The following MAPK8IP3 variants were observed in gnomAD, a reference collection of about 807,000 sequenced individuals.
The protein encoded by MAPK8IP3 is mitogen-activated protein kinase 8 interacting protein 3.
In MAPK8IP3, 49 loss-of-function variants were observed where a neutral mutation model predicts 157.8. That is an observed-to-expected ratio of 0.31 (90% CI 0.25 to 0.39). The LOEUF (loss-of-function observed/expected upper bound fraction) is 0.39. MAPK8IP3 is among the 10% of genes least tolerant of loss of function. MAPK8IP3 has a pLI of 1.00. For synonymous variants in MAPK8IP3, 897 were observed against 777.7 expected (o/e 1.15, Z -2.55); for missense variants, 1,478 against 1,889.4 (o/e 0.78, Z 4.04).
intron 6 of MAPK8IP3, 35 bp downstream of exon 6, chr16:1,747,310 G>T: frequency 6.2e-7 from 1 of 1,603,212 alleles, no homozygotes; most frequent in Non-Finnish European, 8.5e-7. Context: ...GGGCTCCCTC[G>T]GGCAGGAGGC....
intron 4 of MAPK8IP3, among the ~76,000 whole-genome samples, chr16:1,740,505 G>A (rs1026365165): frequency 3.9e-5 from 6 of 152,204 alleles, no homozygotes; most frequent in African/African-American, 2.4e-5. Context: ...CCATATGAGC[G>A]TGTGCGCACG....
rs777251799 is a variant in MAPK8IP3, at chr16:1,767,928, C to T, written c.3523+10C>T. The T allele has an allele frequency of 3.1e-6, 5 of 1,609,914 alleles. No homozygotes were observed. Among genetic ancestry groups the T allele is most frequent in the Admixed American group, 3.3e-5 (2 of 60,014 alleles). ...ATCCCCCTGACAGAGAGTGAGTGGC[C>T]TGCACACCTGCAGGGGCAGTGGTGC... On this transcript the variant is annotated intron_variant, in intron 28 of 31. Transcript: ENST00000610761.
chr16:1,739,576 G>A lies in MAPK8IP3; in HGVS notation c.603-3756G>A, dbSNP rs1444377208. On this transcript the variant is annotated intron_variant, in intron 4 of 31. Transcript: ENST00000610761. ...CATCTGTGTGACCGTTCGTGTGTGTGTGACCGTCCGTGTGTGACCGTCCGT... is the reference window on the plus strand; with the variant it reads ...CATCTGTGTGACCGTTCGTGTGTGTATGACCGTCCGTGTGTGACCGTCCGT... Among the ~76,000 whole-genome samples, 8 of 135,770 alleles carry A rather than the reference G, an allele frequency of 5.9e-5. 1 individual carries two copies. The highest frequency in any genetic ancestry group is 2.6e-4 in the South Asian group (1 of 3,890). 89.1% of individuals were successfully genotyped at this position (135,770 alleles called of 152,430 possible). A position where few individuals can be genotyped will look rare whatever the true frequency, so the allele number is the denominator to read the frequency against.
chr16:1,758,022 T>C, intron 8 of MAPK8IP3, 126 bp from the exon 9 acceptor site: 1 of 967,656 alleles, frequency 1.0e-6, no homozygotes, highest in Non-Finnish European at 1.6e-6. Context: ...TCTCCTGCCC[T>C]GCAACATGGG....
chr16:1,766,419 T>TGGGCTG lies in MAPK8IP3; in HGVS notation c.2819+15_2819+20dup. ...GCCCCCAGCCTGGCAGGTGAGCTCT[T>TGGGCTG]GGGCTGGGGCAGGAGCAGAGGGAAG... On this transcript the variant is annotated intron_variant, in intron 22 of 31. Transcript: ENST00000610761. The TGGGCTG allele has an allele frequency of 1.2e-6, 2 of 1,608,704 alleles. No homozygotes were observed. Among genetic ancestry groups the TGGGCTG allele is most frequent in the South Asian group, 1.1e-5 (1 of 90,962 alleles).
Position 1,751,190 on chromosome 16 carries a change from T to C in MAPK8IP3, c.1216+2470T>C, listed in dbSNP as rs1165438107. Among the ~76,000 whole-genome samples the C allele has an allele frequency of 6.6e-6, 1 of 151,956 alleles. No homozygotes were observed. Among genetic ancestry groups the C allele is most frequent in the Non-Finnish European group, 1.5e-5 (1 of 67,996 alleles). On this transcript the variant is annotated intron_variant, in intron 8 of 31. Transcript: ENST00000610761. This position sits in a 1 kb window ranked among gnomAD's most constrained non-coding sequence, Gnocchi z 5.0. ...AGAAACTGAGGCCGGGCACAGTGGC[T>C]CATGCCCGTAATCCCAGCACTTTGG...
chr16:1,724,795 G>C lies in MAPK8IP3; in HGVS notation c.439+118G>C. ...GGGGACGAGAGGAAGCCCAGTGGGA[G>C]CCTCAGCCATGTATTCCAGCTCTTT... On this transcript the variant is annotated intron_variant, in intron 2 of 31. Coordinates refer to ENST00000610761, the MANE Select transcript of MAPK8IP3 (RefSeq NM_001318852.2). The surrounding 1 kb of genome is among the most constrained non-coding windows in gnomAD (Gnocchi z 4.1). The C allele has an allele frequency of 2.2e-6, 3 of 1,354,382 alleles. No homozygotes were observed. The highest frequency in any genetic ancestry group is 3.0e-6 in the Non-Finnish European group (3 of 1,001,982). 83.9% of individuals were successfully genotyped at this position (1,354,382 alleles called of 1,614,324 possible).
intron 9 of MAPK8IP3, among the ~76,000 whole-genome samples, chr16:1,758,705 G>A (rs2041762475): frequency 6.6e-6 from 1 of 152,224 alleles, no homozygotes; most frequent in African/African-American, 2.4e-5. Flanking sequence ...CCCAGAATTT[G>A]GGGTGAGATG....
intron 10 of MAPK8IP3, 96 bp downstream of exon 10, chr16:1,759,091 C>T: frequency 6.5e-7 from 1 of 1,537,796 alleles, no homozygotes; most frequent in Non-Finnish European, 9.0e-7. Flanking sequence ...ATGATGGGGA[C>T]AGTGTTGGGG....
chr16:1,758,107 C>G (rs750448587), intron 8 of MAPK8IP3, 41 bp from the exon 9 acceptor site: 17 of 1,611,772 alleles, frequency 1.1e-5, no homozygotes, highest in African/African-American at 5.3e-5. Flanking sequence ...ACCTTTGTCC[C>G]TTCCTTCCCC....
chr16:1,762,621 G>C (rs1258108294), intron 14 of MAPK8IP3, 54 bp from the exon 15 acceptor site: 1 of 1,544,132 alleles, frequency 6.5e-7, no homozygotes, highest in Non-Finnish European at 8.7e-7. Flanking sequence ...GAGAGTCGCA[G>C]GTAAGGGAGG....
At chr16:1,768,030 C>G (rs2042377595) in intron 28 of MAPK8IP3, 39 bp from the exon 29 acceptor site, 3 of 1,611,866 alleles carry the variant, frequency 1.9e-6, no homozygotes, top group African/African-American at 1.3e-5. Flanking sequence ...CCTACGCTGA[C>G]CGCTCTCCTC....
rs532516695 is a variant in MAPK8IP3, at chr16:1,743,861, C to G, written c.747+385C>G. On this transcript the variant is annotated intron_variant, in intron 5 of 31. Coordinates refer to ENST00000610761, the MANE Select transcript of MAPK8IP3 (RefSeq NM_001318852.2). This position sits in a 1 kb window ranked among gnomAD's most constrained non-coding sequence, Gnocchi z 5.6. ...GGGCTCCAGCCAGACACATCCTGCC[C>G]CTGAGAGCCACGCCTCTACTCTCGG... 7 of 1,094,524 alleles carry G rather than the reference C, an allele frequency of 6.4e-6. No homozygotes were observed. Among genetic ancestry groups the G allele is most frequent in the Non-Finnish European group, 7.8e-6 (7 of 897,946 alleles). The allele number at this position is 1,094,524 out of a possible 1,614,324, so 67.8% of individuals were successfully genotyped here. A position where few individuals can be genotyped will look rare whatever the true frequency, so the allele number is the denominator to read the frequency against.
chr16:1,768,238 C>T lies in MAPK8IP3; in HGVS notation c.3602C>T (p.Pro1201Leu). Residue 1201 changes from proline (P) to leucine (L), a missense_variant, in exon 30 of 32, where the codon CCC becomes CTC. By Grantham distance (98) the Pro-to-Leu change is moderately conservative. Coordinates refer to ENST00000610761, the MANE Select transcript of MAPK8IP3 (RefSeq NM_001318852.2). ...TSPTSGEGAR[P>L]GGIIHVYGDD... ...CCCACCTCTGGGGAGGGCGCCCGTC[C>T]CGGGGGCATCATCCACGTGTATGGC... 1 of 1,612,486 alleles carries T rather than the reference C, an allele frequency of 6.2e-7. No homozygotes were observed. Among genetic ancestry groups the T allele is most frequent in the Non-Finnish European group, 8.5e-7 (1 of 1,179,974 alleles).
At position 1,769,758 on chromosome 16, in the gene MAPK8IP3, C is replaced by G. The variant is rs1221635926; in HGVS notation, c.*934C>G. 8 of 153,156 alleles carry G rather than the reference C, an allele frequency of 5.2e-5. No homozygotes were observed. In the Admixed American group the frequency reaches 5.2e-4, roughly 10 times the overall value. The allele number at this position is 153,156 out of a possible 1,614,324, so 9.5% of individuals were successfully genotyped here. A position where few individuals can be genotyped will look rare whatever the true frequency, so the allele number is the denominator to read the frequency against. Reference sequence around the variant, plus strand: ...GGGATGATGTGCTCCCGGGGCCTGCCTCCTGCACGGGGCTCCACGGAGCCC... The same window carrying G: ...GGGATGATGTGCTCCCGGGGCCTGCGTCCTGCACGGGGCTCCACGGAGCCC... On this transcript the variant is annotated 3_prime_UTR_variant, in exon 32 of 32. Transcript: ENST00000610761.
At chr16:1,716,380 C>T (rs1476162638) in intron 1 of MAPK8IP3, among the ~76,000 whole-genome samples, 3 of 151,022 alleles carry the variant, frequency 2.0e-5, no homozygotes, top group Admixed American at 6.6e-5. Context: ...TCACTGCAAC[C>T]TCTGCCTCCT....
rs1160036085 is a variant in MAPK8IP3 at position 1,710,089 on chromosome 16, G to A, written c.318+3432G>A. ...ATAAAAGTTACCGGCCAGGCGCAGC[G>A]ACTCTCACATGTGTAATCCCAGCAC... On this transcript the variant is annotated intron_variant, in intron 1 of 31. Transcript: ENST00000610761. The surrounding 1 kb of genome is among the most constrained non-coding windows in gnomAD (Gnocchi z 4.1). Among the ~76,000 whole-genome samples, 1 of 152,132 alleles carries A rather than the reference G, an allele frequency of 6.6e-6. No homozygotes were observed. The highest frequency in any genetic ancestry group is 1.5e-5 in the Non-Finnish European group (1 of 68,026).
intron 1 of MAPK8IP3, among the ~76,000 whole-genome samples, chr16:1,708,715 T>C (rs2037561136): frequency 6.6e-6 from 1 of 151,992 alleles, no homozygotes; most frequent in South Asian, 2.1e-4. Flanking sequence ...TTAGAGAAGC[T>C]GCACCGAGAG....
chr16:1,769,200 C>T lies in MAPK8IP3; in HGVS notation c.*376C>T, dbSNP rs956936831. On this transcript the variant is annotated 3_prime_UTR_variant, in exon 32 of 32. Transcript: ENST00000610761. ...ACCCCTGGAGGAGGCAGGGGCTCCC[C>T]GCCGCCGAGGCTGCCTGCCCTGGGC... 10 of 242,276 alleles carry T rather than the reference C, an allele frequency of 4.1e-5. No homozygotes were observed. The highest frequency in any genetic ancestry group is 3.1e-4 in the South Asian group (6 of 19,624). 15.0% of individuals were successfully genotyped at this position (242,276 alleles called of 1,614,324 possible).
Sources: gnomAD v4.1 joint callset for allele counts (sites outside exome capture counted in the v4.1 genomes callset) on GRCh38, gnomAD v4.1.1 for gene constraint, Gnocchi (gnomAD v3.1) non-coding constraint, MANE v1.5 for transcripts, NCBI Gene and HGNC (gene_info 2026-07-23, HGNC 2026-07-21) for gene names.